SLC35D4: variants seen among roughly 807,000 people sequenced by gnomAD.
SLC35D4 encodes solute carrier family 35 member D4.
At chr18:23,335,229 C>T in the SLC35D4 span, among the ~76,000 whole-genome samples, 3 of 152,204 alleles carry the variant, frequency 2.0e-5, no homozygotes, top group South Asian at 6.2e-4. Flanking sequence ...GTTATTTTCA[C>T]AAAATTGTAC....
At chr18:23,276,862 C>A in the SLC35D4 span, among the ~76,000 whole-genome samples, 3 of 152,174 alleles carry the variant, frequency 2.0e-5, no homozygotes, top group African/African-American at 7.2e-5. Flanking sequence ...GCTACAGGAG[C>A]CACACGACAT....
At chr18:23,350,402 G>A in the SLC35D4 span, among the ~76,000 whole-genome samples, 1 of 152,214 alleles carries the variant, frequency 6.6e-6, no homozygotes, top group African/African-American at 2.4e-5. Context: ...CGGGCTGGGA[G>A]AGCACATTCA....
chr18:23,306,775 T>C, the SLC35D4 span, among the ~76,000 whole-genome samples: 2 of 152,190 alleles, frequency 1.3e-5, no homozygotes, highest in African/African-American at 2.4e-5. Flanking sequence ...CCAAGTAATA[T>C]ATAGGAACTA....
chr18:23,244,524 G>T, the SLC35D4 span, among the ~76,000 whole-genome samples: 1 of 152,246 alleles, frequency 6.6e-6, no homozygotes, highest in African/African-American at 2.4e-5. Context: ...GCCTAGAACA[G>T]CTGAAATGCC....
chr18:23,334,828 C>T, the SLC35D4 span, among the ~76,000 whole-genome samples: 1 of 151,912 alleles, frequency 6.6e-6, no homozygotes, highest in African/African-American at 2.4e-5. Context: ...CATGGTAAAA[C>T]CCCATCTCTA....
the SLC35D4 span, among the ~76,000 whole-genome samples, chr18:23,318,650 C>T: frequency 6.6e-6 from 1 of 152,146 alleles, no homozygotes; most frequent in Non-Finnish European, 1.5e-5. Context: ...AAATTATGTA[C>T]TACTGCCCTT....
At chr18:23,296,912 G>A in the SLC35D4 span, 1 of 152,012 alleles carries the variant, frequency 6.6e-6, no homozygotes, top group Non-Finnish European at 1.5e-5. Context: ...AGTTTATAAG[G>A]ACCACGAGAA....
chr18:23,333,826 G>A, the SLC35D4 span, among the ~76,000 whole-genome samples: 4 of 152,204 alleles, frequency 2.6e-5, no homozygotes, highest in African/African-American at 9.7e-5. Context: ...TCTGGAGGTG[G>A]AGGGGTAGTC....
the SLC35D4 span, among the ~76,000 whole-genome samples, chr18:23,298,919 C>G: frequency 1.3e-5 from 2 of 152,204 alleles, no homozygotes; most frequent in Non-Finnish European, 2.9e-5. Context: ...GCAACACACG[C>G]CCAGGCCACG....
At chr18:23,334,180 C>T in the SLC35D4 span, among the ~76,000 whole-genome samples, 1 of 152,128 alleles carries the variant, frequency 6.6e-6, no homozygotes, top group Non-Finnish European at 1.5e-5. Context: ...TCAAGGCCAA[C>T]CATAACCATG....
At chr18:23,287,163 C>T in the SLC35D4 span, among the ~76,000 whole-genome samples, 2 of 152,172 alleles carry the variant, frequency 1.3e-5, no homozygotes, top group African/African-American at 4.8e-5. Context: ...TGTCCTAAAA[C>T]CAGACAAGCC....
At chr18:23,310,302 A>G in the SLC35D4 span, 5 of 983,090 alleles carry the variant, frequency 5.1e-6, no homozygotes, top group Non-Finnish European at 6.0e-6. Context: ...ATCATTAATT[A>G]ATTATTTGCA....
the SLC35D4 span, among the ~76,000 whole-genome samples, chr18:23,327,065 T>TTA: frequency 6.6e-6 from 1 of 152,150 alleles, no homozygotes; most frequent in Non-Finnish European, 1.5e-5. Context: ...AGAGGGAAAT[T>TTA]TATAGCACTA....
At chr18:23,345,380 G>A in the SLC35D4 span, among the ~76,000 whole-genome samples, 1 of 149,770 alleles carries the variant, frequency 6.7e-6, no homozygotes, top group African/African-American at 2.4e-5. Flanking sequence ...TGCTCAGGAG[G>A]CTGAGGCAGA....
the SLC35D4 span, among the ~76,000 whole-genome samples, chr18:23,357,570 G>A: frequency 1.3e-5 from 2 of 152,196 alleles, no homozygotes; most frequent in African/African-American, 4.8e-5. Context: ...CAGTTCTGGG[G>A]GCCTGGGGGA....
At chr18:23,356,782 G>A in the SLC35D4 span, 2 of 786,042 alleles carry the variant, frequency 2.5e-6, no homozygotes, top group East Asian at 5.4e-5. This position sits in a 1 kb window ranked among gnomAD's most constrained non-coding sequence, Gnocchi z 4.1. Flanking sequence ...CAGTCCCCTG[G>A]CATTGAATTC....
the SLC35D4 span, among the ~76,000 whole-genome samples, chr18:23,325,242 ATC>A: frequency 6.6e-6 from 1 of 152,204 alleles, no homozygotes; most frequent in Admixed American, 6.5e-5. Flanking sequence ...TTCCCTTATT[ATC>A]TGTCTTTGAA....
the SLC35D4 span, among the ~76,000 whole-genome samples, chr18:23,263,233 G>A: frequency 3.3e-5 from 5 of 152,236 alleles, no homozygotes; most frequent in African/African-American, 9.6e-5. Context: ...ACATGGTGGA[G>A]GGCCAAAGCG....
chr18:23,286,746 G>C, the SLC35D4 span, among the ~76,000 whole-genome samples: 2 of 151,848 alleles, frequency 1.3e-5, no homozygotes, highest in African/African-American at 2.4e-5. Flanking sequence ...CCCAACTCTG[G>C]TGCCAACTTA....
Sources: allele counts gnomAD v4.1 joint callset (sites outside exome capture counted in the v4.1 genomes callset), GRCh38; gene constraint gnomAD v4.1.1; non-coding constraint Gnocchi (gnomAD v3.1); transcripts MANE v1.5; gene names NCBI Gene and HGNC (gene_info 2026-07-23, HGNC 2026-07-21).